The following SH3RF1 variants were observed in gnomAD, a reference collection of about 807,000 sequenced individuals.
SH3RF1 encodes the protein SH3 domain containing ring finger 1, also known as E3 ubiquitin-protein ligase SH3RF1.
In SH3RF1, 32 loss-of-function variants were observed where a neutral mutation model predicts 74.0. The observed-to-expected ratio is 0.43, with a 90% confidence interval of 0.33 to 0.58. The LOEUF (loss-of-function observed/expected upper bound fraction) is 0.58. SH3RF1 is among the 20% of genes least tolerant of loss of function. The probability of loss-of-function intolerance (pLI) is 0.05; values close to 1 mark genes in which losing one functional copy is unlikely to be tolerated. For synonymous variants in SH3RF1, 396 were observed against 439.6 expected (o/e 0.90, Z 1.24); for missense variants, 954 against 1,130.9 (o/e 0.84, Z 2.24).
At chr4:169,114,249 G>A (rs1733292758) in intron 10 of SH3RF1, among the ~76,000 whole-genome samples, 1 of 152,144 alleles carries the variant, frequency 6.6e-6, no homozygotes, top group Non-Finnish European at 1.5e-5. Flanking sequence ...CCAGATTCTA[G>A]AGGCTTCCTG....
intron 2 of SH3RF1, among the ~76,000 whole-genome samples, chr4:169,240,588 T>C (rs1730892759): frequency 6.6e-6 from 1 of 152,218 alleles, no homozygotes; most frequent in Non-Finnish European, 1.5e-5. Context: ...AGTTTTCTTC[T>C]TTAACAAATA....
intron 6 of SH3RF1, among the ~76,000 whole-genome samples, chr4:169,123,914 G>C (rs989007478): frequency 1.3e-5 from 2 of 151,956 alleles, no homozygotes; most frequent in Non-Finnish European, 2.9e-5. Context: ...AATTGTTATA[G>C]CTCTGGAATT....
chr4:169,122,452 G>A (rs144516359), intron 6 of SH3RF1, among the ~76,000 whole-genome samples, 186 bp from the exon 7 acceptor site: 1 of 152,234 alleles, frequency 6.6e-6, no homozygotes, highest in African/African-American at 2.4e-5. Flanking sequence ...TTCATCTCTT[G>A]TTCTCCTTTA....
chr4:169,224,358 T>A (rs1730621400), intron 2 of SH3RF1, among the ~76,000 whole-genome samples: 3 of 151,212 alleles, frequency 2.0e-5, no homozygotes, highest in African/African-American at 7.3e-5. Context: ...TGCTCTGTGG[T>A]CCAGGCTGGA....
At chr4:169,254,600 T>C (rs1167254943) in intron 2 of SH3RF1, among the ~76,000 whole-genome samples, 1 of 152,138 alleles carries the variant, frequency 6.6e-6, no homozygotes, top group African/African-American at 2.4e-5. Flanking sequence ...TGGGGGAAAC[T>C]GAATTTATCT....
chr4:169,163,670 T>C (rs1376696868), intron 2 of SH3RF1, among the ~76,000 whole-genome samples: 1 of 152,186 alleles, frequency 6.6e-6, no homozygotes, highest in Non-Finnish European at 1.5e-5. Context: ...ATGAGTTTTA[T>C]GGCCCTCCAT....
intron 6 of SH3RF1, among the ~76,000 whole-genome samples, chr4:169,129,290 T>C (rs1733574028): frequency 6.6e-6 from 1 of 152,242 alleles, no homozygotes; most frequent in African/African-American, 2.4e-5. Flanking sequence ...CAACTGCTAG[T>C]TCCTTGCTTA....
intron 5 of SH3RF1, among the ~76,000 whole-genome samples, chr4:169,134,234 G>A (rs1733662740): frequency 6.6e-6 from 1 of 152,150 alleles, no homozygotes. Flanking sequence ...ATGGTTGAAG[G>A]GGAAACTTTT....
At chr4:169,114,209 A>G (rs1186907774) in intron 10 of SH3RF1, among the ~76,000 whole-genome samples, 2 of 152,170 alleles carry the variant, frequency 1.3e-5, no homozygotes, top group African/African-American at 2.4e-5. Flanking sequence ...TCTGGAGGCC[A>G]CTGGGGAAGA....
intron 4 of SH3RF1, among the ~76,000 whole-genome samples, chr4:169,137,402 C>G (rs1164945850): frequency 1.3e-5 from 2 of 152,128 alleles, no homozygotes; most frequent in East Asian, 3.8e-4. Context: ...AGAACACAAG[C>G]CTTTTGTTTT....
chr4:169,173,129 G>A (rs748902100), intron 2 of SH3RF1, among the ~76,000 whole-genome samples: 2 of 152,006 alleles, frequency 1.3e-5, no homozygotes, highest in Admixed American at 1.3e-4. Flanking sequence ...GAGAAATAAA[G>A]CATTATAAAT....
At position 169,258,633 on chromosome 4, in the gene SH3RF1, T is replaced by C. The variant is rs566564448; in HGVS notation, c.393+10187A>G. On this transcript the variant is annotated intron_variant, in intron 2 of 11. Transcript: ENST00000284637. ...CACTGTGCATAAAACACAAGTTCAA[T>C]AATGGGGAAAAAACTGTTCAAAGAT... 7.4e-4 allele frequency among the ~76,000 whole-genome samples: 112 copies of C among 152,118 alleles called. 1 individual carries two copies. In the South Asian group the frequency reaches 0.017, roughly 23 times the overall value.
intron 8 of SH3RF1, 107 bp downstream of exon 8, chr4:169,120,712 G>T: frequency 9.1e-7 from 1 of 1,098,544 alleles, no homozygotes; most frequent in Non-Finnish European, 1.3e-6. Context: ...CCTTGGCTAT[G>T]TAACAGGCAA....
At chr4:169,201,327 A>C (rs1160364670) in intron 2 of SH3RF1, among the ~76,000 whole-genome samples, 8 of 152,212 alleles carry the variant, frequency 5.3e-5, no homozygotes, top group Non-Finnish European at 4.4e-5. Context: ...GAAACAATTT[A>C]TCTCCACTGG....
intron 2 of SH3RF1, among the ~76,000 whole-genome samples, chr4:169,186,558 T>C (rs1734605681): frequency 6.6e-6 from 1 of 151,836 alleles, no homozygotes; most frequent in Non-Finnish European, 1.5e-5. Context: ...TATGTTGTTT[T>C]AGAAAATACC....
chr4:169,255,763 A>G (rs1388258502), intron 2 of SH3RF1, among the ~76,000 whole-genome samples: 1 of 150,762 alleles, frequency 6.6e-6, no homozygotes, highest in East Asian at 1.9e-4. Context: ...CTTTCCTAAC[A>G]TTACTTTTTT....
chr4:169,259,634 A>C (rs1298503611), intron 2 of SH3RF1, among the ~76,000 whole-genome samples: 1 of 152,226 alleles, frequency 6.6e-6, no homozygotes, highest in Non-Finnish European at 1.5e-5. Context: ...AGAGAGCAGA[A>C]GATACATGTA....
At chr4:169,203,888 A>T (rs1734950694) in intron 2 of SH3RF1, 1 of 152,244 alleles carries the variant, frequency 6.6e-6, no homozygotes. Flanking sequence ...ATAGGGTTTT[A>T]AAGTCTGGTT....
At chr4:169,111,775 T>C (rs1420692307) in intron 10 of SH3RF1, among the ~76,000 whole-genome samples, 3 of 152,288 alleles carry the variant, frequency 2.0e-5, no homozygotes, top group African/African-American at 4.8e-5. Flanking sequence ...AGAATAACAA[T>C]GGTAGAAAAG....
Sources: gnomAD v4.1 joint callset for allele counts (sites outside exome capture counted in the v4.1 genomes callset) on GRCh38, gnomAD v4.1.1 for gene constraint, MANE v1.5 for transcripts, NCBI Gene and HGNC (gene_info 2026-07-23, HGNC 2026-07-21) for gene names.